SHROOM4: variants seen among roughly 807,000 people sequenced by gnomAD.
The protein encoded by SHROOM4 is protein Shroom4.
Under a neutral mutation model 80.3 loss-of-function variants are expected in SHROOM4, and 17 were observed. The observed-to-expected ratio is 0.21, with a 90% CI of 0.14 to 0.32. The LOEUF is 0.32. SHROOM4 is among the 10% of genes least tolerant of loss of function. SHROOM4 has a pLI of 1.00. For synonymous variants in SHROOM4, 400 were observed against 437.5 expected, an observed-to-expected ratio of 0.91 and a Z score of 1.07; for missense variants, 993 against 1,140.3, an observed-to-expected ratio of 0.87 and a Z score of 1.86.
At position 50,643,641 on chromosome X, in the gene SHROOM4, C is replaced by G. The variant is rs945904574; in HGVS notation, c.270-5333G>C. 3 of 111,559 alleles carry G rather than the reference C, an allele frequency of 2.7e-5. No homozygotes were observed. In the Admixed American group the frequency reaches 2.9e-4, roughly 11 times the overall value. The allele number at this position is 111,559 out of a possible 1,213,427, so 9.2% of individuals were successfully genotyped here. A position where few individuals can be genotyped will look rare whatever the true frequency, so the allele number is the denominator to read the frequency against. On this transcript the variant is annotated intron_variant, in intron 2 of 8. Coordinates refer to ENST00000376020, the MANE Select transcript of SHROOM4 (RefSeq NM_020717.5). ...CTGGATAGGAGTGAAGACGCTGCTCCAGGAACCAGCCAGCACCCTGGTGGC... is the reference window on the plus strand; with the variant it reads ...CTGGATAGGAGTGAAGACGCTGCTCGAGGAACCAGCCAGCACCCTGGTGGC...
At chrX:50,793,454 A>T (rs1557271740) in intron 1 of SHROOM4, among the ~76,000 whole-genome samples, 1 of 110,007 alleles carries the variant, frequency 9.1e-6, no homozygotes, top group Non-Finnish European at 1.9e-5. Flanking sequence ...TCACTACAAT[A>T]AAAAGTAAGT....
At chrX:50,792,936 C>A (rs150965218) in intron 1 of SHROOM4, among the ~76,000 whole-genome samples, 2,904 of 101,344 alleles carry the variant, frequency 0.029, 115 homozygotes, top group African/African-American at 0.1. Flanking sequence ...CATACTAGAT[C>A]CAGCATTCCC....
chrX:50,682,389 T>G (rs1348617033), intron 2 of SHROOM4, among the ~76,000 whole-genome samples: 1 of 111,758 alleles, frequency 8.9e-6, no homozygotes, highest in African/African-American at 3.3e-5. Context: ...TAACCCTTAC[T>G]GCCCTTGCCT....
chrX:50,761,951 T>C, intron 1 of SHROOM4, among the ~76,000 whole-genome samples: 1 of 111,887 alleles, frequency 8.9e-6, no homozygotes, highest in Non-Finnish European at 1.9e-5. Context: ...AAAGTTATAT[T>C]CTTATTTATT....
At chrX:50,776,143 C>T (rs1312205187) in intron 1 of SHROOM4, among the ~76,000 whole-genome samples, 10 of 110,994 alleles carry the variant, frequency 9.0e-5, no homozygotes, top group African/African-American at 3.3e-4. Context: ...AAACCAGGCC[C>T]CCAACACTGG....
chrX:50,791,025 T>A (rs781977049), intron 1 of SHROOM4, among the ~76,000 whole-genome samples: 16 of 110,782 alleles, frequency 1.4e-4, no homozygotes, highest in Non-Finnish European at 2.6e-4. Flanking sequence ...GGTAACATGA[T>A]CTTGTATGTT....
intron 1 of SHROOM4, among the ~76,000 whole-genome samples, chrX:50,744,235 A>T (rs1934728748): frequency 9.0e-6 from 1 of 111,263 alleles, no homozygotes; most frequent in African/African-American, 3.3e-5. Context: ...CTCTCATTAC[A>T]TATATGTTGA....
downstream of SHROOM4, among the ~76,000 whole-genome samples, chrX:50,586,013 AT>A (rs1569546153): frequency 9.0e-6 from 1 of 111,727 alleles, no homozygotes; most frequent in Non-Finnish European, 1.9e-5. Flanking sequence ...ACTCTTTTCT[AT>A]CTGCCTCTCC....
intron 1 of SHROOM4, among the ~76,000 whole-genome samples, chrX:50,756,478 A>C (rs1381805827): frequency 8.9e-6 from 1 of 112,429 alleles, no homozygotes; most frequent in Non-Finnish European, 1.9e-5. Flanking sequence ...CTTTTTGTGC[A>C]GACATATGTT....
At chrX:50,649,876 C>G (rs936427716) in intron 2 of SHROOM4, 2 of 112,201 alleles carry the variant, frequency 1.8e-5, no homozygotes, top group Admixed American at 1.9e-4. Context: ...AGTTTTTCCA[C>G]TCCTAGGATT....
chrX:50,814,147 C>T lies in SHROOM4; in HGVS notation c.-129G>A, dbSNP rs1419226169. The T allele has an allele frequency of 5.9e-6, 3 of 505,640 alleles. No homozygotes were observed. The highest frequency in any genetic ancestry group is 5.4e-4 in the Middle Eastern group (1 of 1,845). The allele number at this position is 505,640 out of a possible 1,213,427, so 41.7% of individuals were successfully genotyped here. A position where few individuals can be genotyped will look rare whatever the true frequency, so the allele number is the denominator to read the frequency against. On this transcript the variant is annotated 5_prime_UTR_variant, in exon 1 of 9. Transcript: ENST00000376020. ...CGCACCGCCCTGCTCCGCCTACTCT[C>T]CCGGCTGGAGACGCTCAGGCAGCGA...
chrX:50,716,991 G>A (rs782297080), intron 1 of SHROOM4, among the ~76,000 whole-genome samples: 2 of 112,222 alleles, frequency 1.8e-5, no homozygotes, highest in African/African-American at 6.5e-5. Flanking sequence ...AGCCTAAGTC[G>A]TACCTGACGT....
intron 2 of SHROOM4, among the ~76,000 whole-genome samples, chrX:50,641,099 G>A (rs1931578846): frequency 8.9e-6 from 1 of 112,046 alleles, no homozygotes; most frequent in Non-Finnish European, 1.9e-5. Context: ...TGTTCTTCAA[G>A]GTACTGCTCA....
the SHROOM4 span, among the ~76,000 whole-genome samples, chrX:50,579,597 G>A: frequency 2.7e-5 from 3 of 111,650 alleles, no homozygotes; most frequent in Non-Finnish European, 1.9e-5. Context: ...CAGATGTGCA[G>A]GAAATGTTCA....
intron 2 of SHROOM4, among the ~76,000 whole-genome samples, chrX:50,679,384 A>G (rs989232577): frequency 8.9e-6 from 1 of 111,851 alleles, no homozygotes; most frequent in Non-Finnish European, 1.9e-5. Flanking sequence ...TGCTGCTGCA[A>G]TTATATTTGT....
chrX:50,682,618 G>A (rs568313357), intron 2 of SHROOM4, among the ~76,000 whole-genome samples: 4 of 111,723 alleles, frequency 3.6e-5, no homozygotes, highest in African/African-American at 9.8e-5. Context: ...TACAGTCTGG[G>A]GATATCAACC....
intron 1 of SHROOM4, among the ~76,000 whole-genome samples, chrX:50,713,144 C>T (rs1309109369): frequency 9.0e-5 from 10 of 111,041 alleles, no homozygotes; most frequent in African/African-American, 1.6e-4. Context: ...GGGTTCTTTA[C>T]GAGCCTGTTT....
At chrX:50,628,822 A>G (rs925425533) in intron 4 of SHROOM4, among the ~76,000 whole-genome samples, 2 of 112,278 alleles carry the variant, frequency 1.8e-5, no homozygotes, top group Non-Finnish European at 3.8e-5. Context: ...CTTGGCACAT[A>G]AGAGGCTCTG....
intron 6 of SHROOM4, among the ~76,000 whole-genome samples, chrX:50,604,878 C>T (rs1423654601): frequency 3.6e-5 from 4 of 112,045 alleles, no homozygotes; most frequent in African/African-American, 1.3e-4. Flanking sequence ...ATACCTATAC[C>T]TGAATCAGTT....
Sources: gnomAD v4.1 joint callset for allele counts (sites outside exome capture counted in the v4.1 genomes callset) on GRCh38, gnomAD v4.1.1 for gene constraint, MANE v1.5 for transcripts, NCBI Gene and HGNC (gene_info 2026-07-23, HGNC 2026-07-21) for gene names.